ATP8A2: variants seen among roughly 807,000 people sequenced by gnomAD.
ATP8A2 encodes ATPase phospholipid transporting 8A2.
ATP8A2 carries 100 observed loss-of-function variants against 165.6 expected under a neutral mutation model. That is an observed-to-expected ratio of 0.60 (90% CI 0.51 to 0.71). The LOEUF (loss-of-function observed/expected upper bound fraction) is 0.71, where lower values mean the gene tolerates loss of function less well. Ranked by LOEUF, ATP8A2 falls within the 30% of genes least tolerant of loss-of-function variation. ATP8A2 has a pLI of 0.00. For missense variants in ATP8A2, 1,227 were observed against 1,479.5 expected (o/e 0.83, Z 2.80); for synonymous variants, 543 against 548.8 (o/e 0.99, Z 0.15).
intron 25 of ATP8A2, among the ~76,000 whole-genome samples, chr13:25,706,733 C>T (rs2043061787): frequency 6.6e-6 from 1 of 152,166 alleles, no homozygotes; most frequent in Non-Finnish European, 1.5e-5. Context: ...CAGCTTCCTA[C>T]TTTGACATCC....
intron 24 of ATP8A2, among the ~76,000 whole-genome samples, chr13:25,663,278 T>G (rs1411378155): frequency 1.3e-5 from 2 of 152,240 alleles, no homozygotes; most frequent in African/African-American, 2.4e-5. Context: ...CAGGAGTGAC[T>G]TTAGCATCAA....
Position 25,459,382 on chromosome 13 carries a change from C to T in ATP8A2, c.77-9595C>T, listed in dbSNP as rs139317224. Among the ~76,000 whole-genome samples the T allele has an allele frequency of 1.1e-3, 169 of 152,280 alleles. 2 individuals carry two copies. The highest frequency in any genetic ancestry group is 3.8e-3 in the African/African-American group (159 of 41,570). ...TTCTCTGTCCACTTAAGACAGAATG[C>T]GAAATTTTGTGTTCGCTTGATTCAC... On this transcript the variant is annotated intron_variant, in intron 1 of 36. Transcript: ENST00000381655.
chr13:25,492,894 G>A (rs865809210), intron 2 of ATP8A2, among the ~76,000 whole-genome samples: 6 of 152,194 alleles, frequency 3.9e-5, no homozygotes, highest in African/African-American at 9.7e-5. Flanking sequence ...GTGGTCCAAG[G>A]ATGTGGGGTC....
chr13:25,699,394 C>T (rs1348291885), intron 25 of ATP8A2, 49 bp downstream of exon 25: 3 of 1,410,066 alleles, frequency 2.1e-6, no homozygotes, highest in Non-Finnish European at 2.8e-6. Flanking sequence ...GTGTCTGTAT[C>T]CCGTGCTTAT....
chr13:25,757,846 T>C (rs1366190413), intron 25 of ATP8A2, among the ~76,000 whole-genome samples: 1 of 152,168 alleles, frequency 6.6e-6, no homozygotes, highest in African/African-American at 2.4e-5. Flanking sequence ...CGGTTGTGTG[T>C]CTGGCTCACT....
intron 35 of ATP8A2, among the ~76,000 whole-genome samples, chr13:26,006,907 T>C (rs1956751501): frequency 6.6e-6 from 1 of 151,914 alleles, no homozygotes; most frequent in Non-Finnish European, 1.5e-5. Flanking sequence ...ATACTAAACT[T>C]AGTTTGCTAG....
intron 24 of ATP8A2, among the ~76,000 whole-genome samples, chr13:25,632,695 T>G (rs1593692558): frequency 6.6e-6 from 1 of 152,042 alleles, no homozygotes. Context: ...GGGCCTTAGG[T>G]AAAGACAGAA....
chr13:25,920,634 G>A (rs561849835), intron 33 of ATP8A2, among the ~76,000 whole-genome samples: 26 of 152,268 alleles, frequency 1.7e-4, no homozygotes, highest in Non-Finnish European at 2.6e-4. Context: ...AGAACCTCAC[G>A]GTCTCTGGCC....
chr13:25,675,160 G>A (rs1466481161), intron 24 of ATP8A2, among the ~76,000 whole-genome samples: 1 of 152,142 alleles, frequency 6.6e-6, no homozygotes, highest in Admixed American at 6.5e-5. Flanking sequence ...GGAGCCTTGG[G>A]GCCCTAGTAG....
At chr13:25,879,342 C>G (rs1952907302) in intron 33 of ATP8A2, among the ~76,000 whole-genome samples, 1 of 152,144 alleles carries the variant, frequency 6.6e-6, no homozygotes, top group South Asian at 2.1e-4. Context: ...GGGCTGTAAC[C>G]TAAACATGCT....
At chr13:25,462,952 C>T (rs2035543291) in intron 1 of ATP8A2, among the ~76,000 whole-genome samples, 1 of 152,164 alleles carries the variant, frequency 6.6e-6, no homozygotes, top group Non-Finnish European at 1.5e-5. Flanking sequence ...TCCACCTTGA[C>T]TTTTCATTCT....
chr13:25,626,900 G>A (rs1565992155), intron 24 of ATP8A2, among the ~76,000 whole-genome samples: 2 of 152,074 alleles, frequency 1.3e-5, no homozygotes, highest in Non-Finnish European at 2.9e-5. Flanking sequence ...AGCAAAAGGG[G>A]TTTCCCCTTA....
At chr13:25,957,390 A>G (rs867042372) in intron 33 of ATP8A2, among the ~76,000 whole-genome samples, 1 of 152,266 alleles carries the variant, frequency 6.6e-6, no homozygotes, top group Non-Finnish European at 1.5e-5. Flanking sequence ...AATATCCAGT[A>G]TCTACAAGGA....
intron 35 of ATP8A2, among the ~76,000 whole-genome samples, chr13:25,986,273 A>T (rs1461308877): frequency 2.0e-5 from 3 of 152,236 alleles, no homozygotes; most frequent in Non-Finnish European, 4.4e-5. Flanking sequence ...ATACATTATT[A>T]TTAACTATAA....
At chr13:25,436,067 CTT>C (rs558553129) in intron 1 of ATP8A2, among the ~76,000 whole-genome samples, 1 of 142,358 alleles carries the variant, frequency 7.0e-6, no homozygotes, top group African/African-American at 2.6e-5. Context: ...AAAGCTTCAT[CTT>C]TTTTTTTTTG....
intron 1 of ATP8A2, among the ~76,000 whole-genome samples, chr13:25,381,092 C>A (rs1207423632): frequency 6.6e-6 from 1 of 152,082 alleles, no homozygotes; most frequent in Admixed American, 6.6e-5. Context: ...TGGTTGCTTG[C>A]GTCTTTTAGT....
chr13:25,463,896 C>A (rs1226897380), intron 1 of ATP8A2, among the ~76,000 whole-genome samples: 1 of 152,138 alleles, frequency 6.6e-6, no homozygotes, highest in Non-Finnish European at 1.5e-5. Flanking sequence ...GATCTGCTCT[C>A]CTCTGCCCTT....
intron 24 of ATP8A2, among the ~76,000 whole-genome samples, chr13:25,681,662 G>C (rs566734388): frequency 1.3e-5 from 2 of 152,272 alleles, no homozygotes; most frequent in African/African-American, 2.4e-5. Flanking sequence ...TGAACTTGTG[G>C]ACAGGTTTGT....
chr13:25,658,129 A>C (rs1303054200), intron 24 of ATP8A2, among the ~76,000 whole-genome samples: 1 of 152,230 alleles, frequency 6.6e-6, no homozygotes, highest in African/African-American at 2.4e-5. Flanking sequence ...TTTCTTAATA[A>C]CTTAGAGGTG....
Sources: allele counts gnomAD v4.1 joint callset (sites outside exome capture counted in the v4.1 genomes callset), GRCh38; gene constraint gnomAD v4.1.1; transcripts MANE v1.5; gene names NCBI Gene and HGNC (gene_info 2026-07-23, HGNC 2026-07-21).